Variants in PTPRR observed in about 807,000 individuals in gnomAD.
PTPRR encodes receptor-type tyrosine-protein phosphatase R.
In PTPRR, 38 loss-of-function variants were observed where a neutral mutation model predicts 77.2. The ratio of observed to expected loss-of-function variants is 0.49; its 90% CI spans 0.38 to 0.65. The LOEUF is 0.65. PTPRR is among the 30% of genes least tolerant of loss of function. The pLI, the probability that PTPRR is intolerant of heterozygous loss-of-function variation, is 0.00. For synonymous variants in PTPRR, 299 were observed against 283.1 expected, an observed-to-expected ratio of 1.06 and a Z score of -0.57; for missense variants, 744 against 799.2, an observed-to-expected ratio of 0.93 and a Z score of 0.83.
In PTPRR at chr12:70,884,868, T is replaced by C. The variant is rs1330032626; in HGVS notation, c.357+7811A>G. On this transcript the variant is annotated intron_variant, in intron 2 of 13. Coordinates refer to ENST00000283228, the MANE Select transcript of PTPRR (RefSeq NM_002849.4). ...GTCTGGGCAACAGAGCAAAACTCTG[T>C]CTCAAAAAAAAAAAAAAAAAAAAAA... is the stretch of plus-strand genomic sequence containing the variant. Among the ~76,000 whole-genome samples the C allele has an allele frequency of 9.7e-5, 6 of 62,018 alleles. 1 individual carries two copies. The highest frequency in any genetic ancestry group is 5.2e-5 in the Non-Finnish European group (2 of 38,292). 40.7% of individuals were successfully genotyped at this position (62,018 alleles called of 152,430 possible). A position where few individuals can be genotyped will look rare whatever the true frequency, so the allele number is the denominator to read the frequency against.
intron 10 of PTPRR, among the ~76,000 whole-genome samples, chr12:70,682,188 C>T (rs11178362): frequency 0.032 from 4,826 of 150,806 alleles, 114 homozygotes; most frequent in South Asian, 0.11. Flanking sequence ...GGACTACAGG[C>T]GCCCGCCACC....
At chr12:70,749,654 G>A (rs1416896367) in intron 5 of PTPRR, among the ~76,000 whole-genome samples, 1 of 152,144 alleles carries the variant, frequency 6.6e-6, no homozygotes, top group Non-Finnish European at 1.5e-5. Flanking sequence ...ATTACATGAT[G>A]TTAAGGCTAT....
chr12:70,807,190 T>C (rs571152446), intron 2 of PTPRR, among the ~76,000 whole-genome samples: 77 of 152,310 alleles, frequency 5.1e-4, no homozygotes, highest in African/African-American at 1.7e-3. Context: ...AGAAGGCACA[T>C]GCAAAGGATA....
At chr12:70,749,097 T>C (rs1890307428) in intron 5 of PTPRR, among the ~76,000 whole-genome samples, 1 of 152,344 alleles carries the variant, frequency 6.6e-6, no homozygotes, top group African/African-American at 2.4e-5. Context: ...CATCTGCTAC[T>C]ACTGGAGTTA....
intron 2 of PTPRR, among the ~76,000 whole-genome samples, chr12:70,792,918 T>C (rs935008690): frequency 3.9e-5 from 6 of 152,132 alleles, no homozygotes; most frequent in Non-Finnish European, 5.9e-5. Context: ...ATTCTTTCCA[T>C]TTAAGGAAAG....
At chr12:70,843,084 C>T (rs1317107397) in intron 2 of PTPRR, among the ~76,000 whole-genome samples, 2 of 151,998 alleles carry the variant, frequency 1.3e-5, no homozygotes, top group Non-Finnish European at 2.9e-5. Context: ...CATACTTGTA[C>T]AAAAAAGTGA....
chr12:70,917,426 T>A (rs1893791369), intron 1 of PTPRR, among the ~76,000 whole-genome samples: 1 of 152,186 alleles, frequency 6.6e-6, no homozygotes, highest in Non-Finnish European at 1.5e-5. Context: ...CTCTAGATCT[T>A]CATTTTCTCA....
intron 1 of PTPRR, among the ~76,000 whole-genome samples, chr12:70,899,457 T>TTG (rs1280451013): frequency 1.3e-5 from 2 of 151,368 alleles, no homozygotes; most frequent in Non-Finnish European, 1.5e-5. Flanking sequence ...ACTGAGAGTC[T>TTG]AAAGAGGAAA....
chr12:70,762,990 T>C (rs1592740879), intron 3 of PTPRR, among the ~76,000 whole-genome samples: 1 of 152,232 alleles, frequency 6.6e-6, no homozygotes, highest in East Asian at 1.9e-4. Flanking sequence ...TTAAACCTAA[T>C]ATGTATAAAA....
intron 2 of PTPRR, among the ~76,000 whole-genome samples, chr12:70,827,680 G>T (rs1263702115): frequency 1.4e-5 from 2 of 146,346 alleles, no homozygotes; most frequent in Non-Finnish European, 3.0e-5. Context: ...TGAGTAGATG[G>T]GATTATAGGT....
chr12:70,690,363 C>G (rs1888013701), intron 8 of PTPRR, among the ~76,000 whole-genome samples: 1 of 152,190 alleles, frequency 6.6e-6, no homozygotes, highest in African/African-American at 2.4e-5. Context: ...AGAATAGGTA[C>G]ATCCCAAACA....
At chr12:70,791,057 T>G (rs1447351348) in intron 2 of PTPRR, among the ~76,000 whole-genome samples, 1 of 152,182 alleles carries the variant, frequency 6.6e-6, no homozygotes, top group Non-Finnish European at 1.5e-5. Flanking sequence ...TCTCCCTGCT[T>G]CCACTCTGCT....
At chr12:70,879,847 A>C (rs1893118544) in intron 2 of PTPRR, among the ~76,000 whole-genome samples, 1 of 152,200 alleles carries the variant, frequency 6.6e-6, no homozygotes, top group Non-Finnish European at 1.5e-5. Flanking sequence ...TTGAATAAAA[A>C]GTAAGGAAAT....
intron 10 of PTPRR, among the ~76,000 whole-genome samples, chr12:70,668,944 ACTTAATGAGGT>A (rs1160524728): frequency 2.6e-5 from 4 of 152,238 alleles, no homozygotes; most frequent in Non-Finnish European, 5.9e-5. Context: ...CTGCAATTTG[ACTTAATGAGGT>A]CTTAAGGTTT....
intron 6 of PTPRR, among the ~76,000 whole-genome samples, chr12:70,726,997 A>T (rs1006489747): frequency 6.6e-6 from 1 of 152,118 alleles, no homozygotes; most frequent in African/African-American, 2.4e-5. Flanking sequence ...AAGTGGAATA[A>T]GCTTTTGGAA....
chr12:70,671,884 G>T, intron 10 of PTPRR: 1 of 702,492 alleles, frequency 1.4e-6, no homozygotes, highest in Non-Finnish European at 2.5e-6. Context: ...CACTAACCCA[G>T]CGCAGGAGGA....
At chr12:70,911,539 G>T (rs1893699065) in intron 1 of PTPRR, among the ~76,000 whole-genome samples, 3 of 152,136 alleles carry the variant, frequency 2.0e-5, no homozygotes, top group Admixed American at 2.0e-4. Context: ...ATATCCAAGA[G>T]AAATTTTTAT....
intron 13 of PTPRR, among the ~76,000 whole-genome samples, chr12:70,650,846 C>T (rs1235853133): frequency 6.6e-6 from 1 of 152,174 alleles, no homozygotes; most frequent in African/African-American, 2.4e-5. Flanking sequence ...TACAAACACT[C>T]ATTCCATTCT....
At chr12:70,897,298 C>A (rs61930390) in intron 1 of PTPRR, among the ~76,000 whole-genome samples, 25,896 of 151,356 alleles carry the variant, frequency 0.17, 2,312 homozygotes, top group Non-Finnish European at 0.2. Context: ...AACTCAAACA[C>A]ATTTACAAGA....
Sources: gnomAD v4.1 joint callset for allele counts (sites outside exome capture counted in the v4.1 genomes callset) on GRCh38, gnomAD v4.1.1 for gene constraint, MANE v1.5 for transcripts, NCBI Gene and HGNC (gene_info 2026-07-23, HGNC 2026-07-21) for gene names.